Variants in NUP85 observed in about 807,000 individuals in gnomAD.
NUP85 encodes the protein nuclear pore complex protein Nup85.
NUP85 carries 23 observed loss-of-function variants against 92.8 expected under a neutral mutation model. The observed-to-expected ratio is 0.25, with a 90% CI of 0.18 to 0.35. The LOEUF (loss-of-function observed/expected upper bound fraction) is 0.35. Among genes scored for constraint, NUP85 ranks in the 10% least tolerant of loss-of-function variants. NUP85 has a pLI of 1.00. For missense variants in NUP85, 759 were observed against 822.8 expected, an observed-to-expected ratio of 0.92 and a Z score of 0.95; for synonymous variants, 314 against 306.9, an observed-to-expected ratio of 1.02 and a Z score of -0.24.
At chr17:75,221,275 A>G (rs999238156) in intron 7 of NUP85, among the ~76,000 whole-genome samples, 39 of 151,640 alleles carry the variant, frequency 2.6e-4, no homozygotes, top group African/African-American at 8.5e-4. Flanking sequence ...CTCAGCTGGG[A>G]TTATAGGCTC....
chr17:75,205,823 T>A, intron 1 of NUP85, 29 bp downstream of exon 1: 8 of 1,613,590 alleles, frequency 5.0e-6, no homozygotes, highest in Non-Finnish European at 6.8e-6. Flanking sequence ...GGCTTGCTCG[T>A]CCTTGCGGGT....
chr17:75,208,703 G>A, intron 2 of NUP85, 83 bp downstream of exon 2: 1 of 778,490 alleles, frequency 1.3e-6, no homozygotes, highest in Non-Finnish European at 2.3e-6. Context: ...TACTAGTTGT[G>A]GACTGAAACA....
intron 18 of NUP85, 49 bp downstream of exon 18, chr17:75,235,250 C>CCTTT: frequency 7.4e-7 from 1 of 1,354,378 alleles, no homozygotes; most frequent in East Asian, 2.3e-5. Context: ...TGGGAAAAGG[C>CCTTT]TCCCTCTATC....
chr17:75,209,073 GA>G lies in NUP85; in HGVS notation c.127+460del, dbSNP rs36056033. ...GAGATCTTGAAGATGTTGAATCCCG[GA>G]AAAAAATTAATAGTTTTCATGAAAA... On this transcript the variant is annotated intron_variant, in intron 2 of 18. Coordinates refer to ENST00000245544, the MANE Select transcript of NUP85 (RefSeq NM_024844.5). Among the ~76,000 whole-genome samples the G allele has an allele frequency of 4.3e-4, 66 of 152,100 alleles. 1 individual carries two copies. The highest frequency in any genetic ancestry group is 1.3e-4 in the Non-Finnish European group (9 of 67,986).
In NUP85 at chr17:75,234,501, A is replaced by G. The variant is rs528395244; in HGVS notation, c.1616-136A>G. ...TGGGACCTATGAGTTTGGAGACAGAAAAAAATCTCCTGCTTTGTGGAGTGG... is the reference window on the plus strand; with the variant it reads ...TGGGACCTATGAGTTTGGAGACAGAGAAAAATCTCCTGCTTTGTGGAGTGG... On this transcript the variant is annotated intron_variant, in intron 16 of 18. Transcript: ENST00000245544. The G allele has an allele frequency of 1.7e-5, 14 of 820,656 alleles. No homozygotes were observed. The South Asian group carries it at 2.1e-4, about 12-fold the overall frequency. 50.8% of individuals were successfully genotyped at this position (820,656 alleles called of 1,614,324 possible).
Position 75,234,775 on chromosome 17 carries a change from T to C in NUP85, c.1754T>C (p.Leu585Ser). ...MTLLTDALPL[L>S]EQKQVIFSAE... ...CTGCTGACAGACGCCTTGCCCCTTTTGGAACAGAAACAGGTGAAGGTTGCA... is the reference window on the plus strand; with the variant it reads ...CTGCTGACAGACGCCTTGCCCCTTTCGGAACAGAAACAGGTGAAGGTTGCA... Residue 585 changes from leucine (L) to serine (S), a missense_variant, in exon 17 of 19, where the codon TTG becomes TCG. By Grantham distance (145) the Leu-to-Ser change is moderately radical. Coordinates refer to ENST00000245544, the MANE Select transcript of NUP85 (RefSeq NM_024844.5). 6.2e-7 allele frequency: 1 copy of C among 1,614,188 alleles called. No individual in the cohort carries two copies. Among genetic ancestry groups the C allele is most frequent in the East Asian group, 2.2e-5 (1 of 44,878 alleles).
rs1008533807 is a variant in NUP85 at position 75,231,233 on chromosome 17, C to T, written c.1095-107C>T. Reference sequence around the variant, plus strand: ...CATGAGCTATCATCACGCCCGGCCCCATCTCTTTGAGGGACAGGACATGTG... The same window carrying T: ...CATGAGCTATCATCACGCCCGGCCCTATCTCTTTGAGGGACAGGACATGTG... On this transcript the variant is annotated intron_variant, in intron 11 of 18. Transcript: ENST00000245544. This position sits in a 1 kb window ranked among gnomAD's most constrained non-coding sequence, Gnocchi z 4.6. 4.8e-5 allele frequency: 51 copies of T among 1,053,318 alleles called. No homozygotes were observed. In the African/African-American group the frequency reaches 6.5e-4, roughly 14 times the overall value. The allele number at this position is 1,053,318 out of a possible 1,614,324, so 65.2% of individuals were successfully genotyped here.
chr17:75,234,814 TC>T lies in NUP85; in HGVS notation c.1767+27del, dbSNP rs376654764. Reference sequence around the variant, plus strand: ...GTGAAGGTTGCAGCAGCAGTGGTTTTCTTTGCTTGTCAGTCCCTGCTAGAGC... The same window carrying T: ...GTGAAGGTTGCAGCAGCAGTGGTTTTTTTGCTTGTCAGTCCCTGCTAGAGC... On this transcript the variant is annotated intron_variant, in intron 17 of 18. Transcript: ENST00000245544. The T allele has an allele frequency of 1.0e-4, 167 of 1,613,422 alleles. 3 individuals are homozygous for T. The African/African-American group carries it at 2.0e-3, about 20-fold the overall frequency.
At position 75,213,129 on chromosome 17, in the gene NUP85, G is replaced by A. The variant is rs1484437467; in HGVS notation, c.405+10G>A. On this transcript the variant is annotated intron_variant, in intron 5 of 18. Transcript: ENST00000245544. The stretch of plus-strand genomic sequence containing the variant: ...CCAGTTCAGCAGCCAGGTAAGGGGA[G>A]TCACCTTTATTGTTTTAGCACCACT... The A allele has an allele frequency of 1.2e-6, 2 of 1,613,090 alleles. No homozygotes were observed. The highest frequency in any genetic ancestry group is 2.7e-5 in the African/African-American group (2 of 74,906).
chr17:75,215,690 C>G (rs946547925), intron 5 of NUP85, 64 bp from the exon 6 acceptor site: 5 of 1,462,676 alleles, frequency 3.4e-6, no homozygotes, highest in Non-Finnish European at 4.8e-6. Flanking sequence ...TGCTTTATCC[C>G]TTGGCTCTGA....
chr17:75,208,961 C>T (rs112106014), intron 2 of NUP85, among the ~76,000 whole-genome samples: 1 of 151,988 alleles, frequency 6.6e-6, no homozygotes, highest in African/African-American at 2.4e-5. Flanking sequence ...CTAGGCTGGT[C>T]TCGCACTCCT....
chr17:75,223,797 A>G (rs148502426), intron 7 of NUP85, among the ~76,000 whole-genome samples: 12 of 152,290 alleles, frequency 7.9e-5, no homozygotes, highest in Non-Finnish European at 1.5e-4. Flanking sequence ...TTTCCAAACA[A>G]AACTTCTCAC....
rs1315465410 is a variant in NUP85, at chr17:75,229,060, C to T, written c.1095-2280C>T. 7 of 985,352 alleles carry T rather than the reference C, an allele frequency of 7.1e-6. No homozygotes were observed. In the Admixed American group the frequency reaches 1.8e-4, roughly 26 times the overall value. The allele number at this position is 985,352 out of a possible 1,614,324, so 61.0% of individuals were successfully genotyped here. A position where few individuals can be genotyped will look rare whatever the true frequency, so the allele number is the denominator to read the frequency against. ...AAGAGGAAACAGCTGGGGTGCACTT[C>T]ACTGGGAGTTGGGCAAGATGTCGGC... On this transcript the variant is annotated intron_variant, in intron 11 of 18. Transcript: ENST00000245544.
intron 14 of NUP85, 181 bp downstream of exon 14, chr17:75,232,160 C>G: frequency 1.5e-6 from 1 of 663,664 alleles, no homozygotes; most frequent in Non-Finnish European, 2.5e-6. Flanking sequence ...GACAGGAAAG[C>G]TAGGGATCCA....
Position 75,233,151 on chromosome 17 carries a change from A to G in NUP85, c.1608A>G (p.Thr536=), listed in dbSNP as rs1298104466. 6.2e-7 allele frequency: 1 copy of G among 1,613,816 alleles called. No homozygotes were observed. Among genetic ancestry groups the G allele is most frequent in the Non-Finnish European group, 8.5e-7 (1 of 1,179,766 alleles). The change falls in exon 16 of 19, where the codon ACA becomes ACG. Residue 536 remains threonine, a synonymous_variant. Transcript: ENST00000245544. ...CCATGATGCTCAGTGACCGACTGAC[A>G]TTCCTGGGTGAGTCTCTGGGTTTTG... ...GPAMMLSDRL[T]FLGKYREFHR... is the part of the protein sequence containing the mutation.
At chr17:75,210,809 C>G (rs1193445419) in intron 3 of NUP85, among the ~76,000 whole-genome samples, 4 of 151,980 alleles carry the variant, frequency 2.6e-5, no homozygotes, top group African/African-American at 9.7e-5. Context: ...TCACGCCATT[C>G]TCCTGCCTCA....
At chr17:75,208,001 C>T (rs1291562174) in intron 1 of NUP85, among the ~76,000 whole-genome samples, 1 of 151,948 alleles carries the variant, frequency 6.6e-6, no homozygotes, top group Non-Finnish European at 1.5e-5. Context: ...CTCAGATGAT[C>T]TGCCCGCCTT....
Position 75,233,377 on chromosome 17 carries a change from TTCTC to T in NUP85, c.1615+223_1615+226del, listed in dbSNP as rs1268434694. 7.3e-3 allele frequency among the ~76,000 whole-genome samples: 743 copies of T among 101,544 alleles called. 2 individuals carry two copies. Among genetic ancestry groups the T allele is most frequent in the African/African-American group, 0.016 (592 of 36,324 alleles). 66.6% of individuals were successfully genotyped at this position (101,544 alleles called of 152,430 possible). A position where few individuals can be genotyped will look rare whatever the true frequency, so the allele number is the denominator to read the frequency against. ...TGTTTGTTTGTTTGTTTTTCTTTCT[TTCTC>T]TCTTTCTTTCTCTTTCTCTTTCTCT... On this transcript the variant is annotated intron_variant, in intron 16 of 18. Transcript: ENST00000245544.
chr17:75,228,943 G>A, intron 11 of NUP85: 2 of 985,454 alleles, frequency 2.0e-6, no homozygotes, highest in Non-Finnish European at 2.4e-6. Context: ...CCCCTTAGCT[G>A]AAAGGAGATG....
Sources: gnomAD v4.1 joint callset for allele counts (sites outside exome capture counted in the v4.1 genomes callset) on GRCh38, gnomAD v4.1.1 for gene constraint, Gnocchi (gnomAD v3.1) non-coding constraint, MANE v1.5 for transcripts, NCBI Gene and HGNC (gene_info 2026-07-23, HGNC 2026-07-21) for gene names.